Variants in PVT1 observed in about 807,000 individuals in gnomAD.
PVT1 encodes Pvt1 oncogene.
chr8:127,953,414 A>G (rs1222734590), intron 3 of PVT1, among the ~76,000 whole-genome samples: 3 of 152,206 alleles, frequency 2.0e-5, no homozygotes, highest in Admixed American at 6.5e-5. Flanking sequence ...CATCTGCAAA[A>G]ATCAGGCTCT....
In PVT1 at chr8:127,913,517, C is replaced by T. The variant is rs117556571; in HGVS notation, n.782+22519C>T. Among the ~76,000 whole-genome samples the T allele has an allele frequency of 2.0e-3, 309 of 152,282 alleles. 7 individuals carry two copies. The East Asian group carries it at 0.046, about 23-fold the overall frequency. ...CCATGGGGGACAGGGGCAGTTAAGC[C>T]TGGGTTCTGTTGGGCGCTGCTGCTT... On this transcript the variant is annotated intron_variant and non_coding_transcript_variant, in intron 3 of 10. Transcript: ENST00000651587.
intron 3 of PVT1, among the ~76,000 whole-genome samples, chr8:127,921,851 CATG>C (rs1475087446): frequency 9.9e-6 from 1 of 100,658 alleles, no homozygotes; most frequent in African/African-American, 3.6e-5. Flanking sequence ...ATTTTTGGTT[CATG>C]TTTTTTTTTT....
intron 2 of PVT1, among the ~76,000 whole-genome samples, chr8:127,805,568 G>A (rs980245357): frequency 3.3e-5 from 5 of 152,168 alleles, no homozygotes; most frequent in Non-Finnish European, 7.3e-5. Context: ...GCTCGCACAT[G>A]TTTATGTGCA....
At chr8:127,825,117 TAAAA>T (rs58377389) in intron 2 of PVT1, among the ~76,000 whole-genome samples, 1 of 81,054 alleles carries the variant, frequency 1.2e-5, no homozygotes, top group East Asian at 4.1e-4. Flanking sequence ...AAACACTAGC[TAAAA>T]AAAAAAAAAA....
At chr8:128,032,566 A>AT (rs1407885606) in intron 4 of PVT1, among the ~76,000 whole-genome samples, 1 of 152,164 alleles carries the variant, frequency 6.6e-6, no homozygotes, top group Non-Finnish European at 1.5e-5. Flanking sequence ...GCGTCAGTTA[A>AT]TTTTTGCCAC....
chr8:127,915,844 T>C (rs947889728), intron 3 of PVT1, among the ~76,000 whole-genome samples: 2 of 152,226 alleles, frequency 1.3e-5, no homozygotes, highest in Non-Finnish European at 2.9e-5. Flanking sequence ...AGGTTTTGTT[T>C]TGTTTCGCTT....
intron 4 of PVT1, among the ~76,000 whole-genome samples, chr8:127,993,575 C>A (rs1227784379): frequency 6.6e-6 from 1 of 152,228 alleles, no homozygotes; most frequent in African/African-American, 2.4e-5. Context: ...CCCTGGATTG[C>A]AGGGTCTAGG....
intron 3 of PVT1, among the ~76,000 whole-genome samples, chr8:127,981,152 T>C (rs1271858188): frequency 6.6e-6 from 1 of 152,154 alleles, no homozygotes; most frequent in Non-Finnish European, 1.5e-5. Flanking sequence ...TGTTTGTAAA[T>C]GAACTATTAT....
At chr8:127,855,101 C>T in intron 2 of PVT1, 1 of 398,580 alleles carries the variant, frequency 2.5e-6, no homozygotes, top group Non-Finnish European at 4.4e-6. Flanking sequence ...TTAAGTTTCT[C>T]TCCTCTCTCT....
intron 4 of PVT1, chr8:128,049,268 C>T (rs751978531): frequency 2.0e-5 from 10 of 506,274 alleles, no homozygotes; most frequent in Admixed American, 1.1e-4. Flanking sequence ...CAGGTCATTT[C>T]GAGATGTTTG....
intron 4 of PVT1, among the ~76,000 whole-genome samples, chr8:128,026,495 AAATAT>A (rs1000552987): frequency 1.8e-4 from 27 of 151,994 alleles, no homozygotes; most frequent in African/African-American, 6.5e-4. Context: ...CACAGAGGAG[AAATAT>A]CTTTCCCCAA....
At chr8:128,070,777 A>G (rs1048124407) in intron 5 of PVT1, among the ~76,000 whole-genome samples, 24 of 152,204 alleles carry the variant, frequency 1.6e-4, no homozygotes, top group African/African-American at 4.8e-4. Flanking sequence ...GACAGAGATA[A>G]CAAGATTGTC....
intron 3 of PVT1, among the ~76,000 whole-genome samples, chr8:127,945,967 C>T (rs1280686937): frequency 6.6e-6 from 1 of 152,176 alleles, no homozygotes; most frequent in Non-Finnish European, 1.5e-5. Flanking sequence ...CTAAAGCTAC[C>T]AGCCTCGCTG....
At chr8:127,878,992 G>A (rs1563628557) in intron 2 of PVT1, among the ~76,000 whole-genome samples, 2 of 152,246 alleles carry the variant, frequency 1.3e-5, no homozygotes, top group Non-Finnish European at 2.9e-5. Flanking sequence ...GGAGAAGGAT[G>A]TCATGGATGA....
chr8:127,937,608 G>GAGAGAGAGAGAA (rs1554598582), intron 3 of PVT1, among the ~76,000 whole-genome samples: 1 of 148,972 alleles, frequency 6.7e-6, no homozygotes, highest in Non-Finnish European at 1.5e-5. Context: ...GAGAGAGAGA[G>GAGAGAGAGAGAA]ACCAACGTGG....
intron 2 of PVT1, among the ~76,000 whole-genome samples, chr8:127,876,422 A>ATTTTTTAATTTTTTAAATTATT (rs1554593558): frequency 6.6e-6 from 1 of 151,244 alleles, no homozygotes; most frequent in African/African-American, 2.4e-5. Context: ...TATTTTTTTA[A>ATTTTTTAATTTTTTAAATTATT]TTATTTTATT....
intron 4 of PVT1, among the ~76,000 whole-genome samples, chr8:128,056,176 G>A (rs1813760173): frequency 6.6e-6 from 1 of 152,216 alleles, no homozygotes; most frequent in South Asian, 2.1e-4. Context: ...GGGACCTTAG[G>A]TGAGTTTCTT....
At chr8:127,918,517 TG>T (rs1816019168) in intron 3 of PVT1, among the ~76,000 whole-genome samples, 1 of 152,244 alleles carries the variant, frequency 6.6e-6, no homozygotes, top group South Asian at 2.1e-4. Flanking sequence ...GAATGTTTAC[TG>T]GCTTCTAGTC....
chr8:127,828,305 C>T (rs1164572264), intron 2 of PVT1, among the ~76,000 whole-genome samples: 4 of 152,012 alleles, frequency 2.6e-5, no homozygotes, highest in African/African-American at 9.7e-5. Context: ...GTGACGTTTC[C>T]GAAGGAGAGG....
Sources: gnomAD v4.1 joint callset for allele counts (sites outside exome capture counted in the v4.1 genomes callset) on GRCh38, gnomAD v4.1.1 for gene constraint, MANE v1.5 for transcripts, NCBI Gene and HGNC (gene_info 2026-07-23, HGNC 2026-07-21) for gene names.